PPP1R12B: variants seen among roughly 807,000 people sequenced by gnomAD.
PPP1R12B encodes the protein protein phosphatase 1 regulatory subunit 12B.
Under a neutral mutation model 126.1 loss-of-function variants are expected in PPP1R12B, and 76 were observed. The observed-to-expected ratio is 0.60, with a 90% CI of 0.50 to 0.73. The LOEUF (loss-of-function observed/expected upper bound fraction) is 0.73, where lower values mean the gene tolerates loss of function less well. PPP1R12B is among the 30% of genes least tolerant of loss of function. The pLI is 0.00. For missense variants in PPP1R12B, 1,052 were observed against 1,205.1 expected, an observed-to-expected ratio of 0.87 and a Z score of 1.88; for synonymous variants, 356 against 434.7, an observed-to-expected ratio of 0.82 and a Z score of 2.25.
At chr1:202,543,412 A>G (rs1327555906) in intron 18 of PPP1R12B, among the ~76,000 whole-genome samples, 2 of 152,106 alleles carry the variant, frequency 1.3e-5, no homozygotes, top group African/African-American at 2.4e-5. Flanking sequence ...TAATTCTCTG[A>G]ACACAAAATT....
intron 1 of PPP1R12B, among the ~76,000 whole-genome samples, chr1:202,385,794 G>A (rs1663021787): frequency 1.3e-5 from 2 of 152,068 alleles, no homozygotes; most frequent in Non-Finnish European, 2.9e-5. Flanking sequence ...GGGTTTTTTT[G>A]TGTTTTTGTG....
At chr1:202,374,533 T>C (rs1365216942) in intron 1 of PPP1R12B, among the ~76,000 whole-genome samples, 1 of 136,292 alleles carries the variant, frequency 7.3e-6, no homozygotes, top group Non-Finnish European at 1.5e-5. Context: ...AGTCTCACTC[T>C]GTCACCCAGG....
chr1:202,480,993 G>A (rs1204775803), intron 13 of PPP1R12B, among the ~76,000 whole-genome samples: 1 of 152,164 alleles, frequency 6.6e-6, no homozygotes, highest in Non-Finnish European at 1.5e-5. Context: ...GGTGTGGGGG[G>A]CAGTGATGGT....
At chr1:202,561,321 T>A (rs1172771625) in intron 19 of PPP1R12B, among the ~76,000 whole-genome samples, 2 of 151,986 alleles carry the variant, frequency 1.3e-5, no homozygotes, top group Non-Finnish European at 2.9e-5. Flanking sequence ...TTGAAAAATT[T>A]AAGTGTCTAT....
chr1:202,414,806 G>C (rs1571902383), intron 1 of PPP1R12B, among the ~76,000 whole-genome samples: 1 of 151,902 alleles, frequency 6.6e-6, no homozygotes, highest in Non-Finnish European at 1.5e-5. Context: ...TTTTGTTTTC[G>C]AGACATGGTC....
At position 202,551,216 on chromosome 1, in the gene PPP1R12B, T is replaced by G. The variant is rs915518003; in HGVS notation, c.2491-7661T>G. On this transcript the variant is annotated intron_variant, in intron 18 of 23. Transcript: ENST00000608999. ...AGAAATATTTATAATATGAACTGAA[T>G]GTAAATACTGTATTTGACTATGTTT... Among the ~76,000 whole-genome samples, 4 of 152,372 alleles carry G rather than the reference T, an allele frequency of 2.6e-5. No individual in the cohort carries two copies. The East Asian group carries it at 7.7e-4, about 29-fold the overall frequency.
intron 1 of PPP1R12B, among the ~76,000 whole-genome samples, chr1:202,414,495 G>A (rs938294987): frequency 2.6e-5 from 4 of 152,166 alleles, no homozygotes; most frequent in Non-Finnish European, 5.9e-5. Flanking sequence ...CAACAAATCA[G>A]ATTTGTTGAT....
intron 6 of PPP1R12B, among the ~76,000 whole-genome samples, chr1:202,429,652 TTGAG>T (rs1262173635): frequency 6.6e-6 from 1 of 152,164 alleles, no homozygotes; most frequent in Non-Finnish European, 1.5e-5. Flanking sequence ...GATGAATAAT[TTGAG>T]TGGGGAGAAT....
chr1:202,465,180 T>C (rs1252909227), intron 13 of PPP1R12B, among the ~76,000 whole-genome samples: 1 of 152,214 alleles, frequency 6.6e-6, no homozygotes, highest in African/African-American at 2.4e-5. Flanking sequence ...TTAAGGAATC[T>C]GTCCACAGTC....
intron 1 of PPP1R12B, among the ~76,000 whole-genome samples, chr1:202,391,667 TAAATG>T: frequency 2.7e-5 from 1 of 36,968 alleles, no homozygotes; most frequent in East Asian, 1.0e-3. Context: ...GTACTGAAGA[TAAATG>T]AATTATCTTC....
chr1:202,452,606 G>A (rs544260905), intron 13 of PPP1R12B, among the ~76,000 whole-genome samples: 66 of 152,168 alleles, frequency 4.3e-4, no homozygotes, highest in African/African-American at 1.5e-3. Context: ...GGGAGAGGGA[G>A]AAGGGGGTTT....
At chr1:202,428,704 G>T in intron 5 of PPP1R12B, 151 bp from the exon 6 acceptor site, 1 of 635,402 alleles carries the variant, frequency 1.6e-6, no homozygotes, top group Non-Finnish European at 2.7e-6. Flanking sequence ...ATAGATGAAG[G>T]TGTTATCATA....
chr1:202,365,931 A>C (rs1659135132), intron 1 of PPP1R12B, among the ~76,000 whole-genome samples: 1 of 152,064 alleles, frequency 6.6e-6, no homozygotes. Flanking sequence ...TTCGGGCTGC[A>C]ATGAACTATG....
chr1:202,542,393 A>C (rs1322506425), intron 18 of PPP1R12B, among the ~76,000 whole-genome samples: 3 of 152,254 alleles, frequency 2.0e-5, no homozygotes, highest in Non-Finnish European at 2.9e-5. Flanking sequence ...CTTGCCTAGC[A>C]TTGCTCAACT....
intron 18 of PPP1R12B, among the ~76,000 whole-genome samples, chr1:202,498,122 C>T (rs1679792062): frequency 6.6e-6 from 1 of 152,148 alleles, no homozygotes; most frequent in South Asian, 2.1e-4. Context: ...ACTGGAAAAT[C>T]CTAGCCTAGA....
chr1:202,467,327 A>G (rs1675156970), intron 13 of PPP1R12B, among the ~76,000 whole-genome samples: 1 of 151,284 alleles, frequency 6.6e-6, no homozygotes, highest in Non-Finnish European at 1.5e-5. Flanking sequence ...GCACCCATTA[A>G]TTCGTCATTT....
At chr1:202,374,164 C>CT (rs1204400620) in intron 1 of PPP1R12B, among the ~76,000 whole-genome samples, 1 of 152,094 alleles carries the variant, frequency 6.6e-6, no homozygotes, top group African/African-American at 2.4e-5. Flanking sequence ...ATTATCTTTC[C>CT]TTGAAGGCTT....
intron 1 of PPP1R12B, among the ~76,000 whole-genome samples, chr1:202,398,843 A>G (rs960615324): frequency 2.0e-5 from 3 of 152,128 alleles, no homozygotes; most frequent in Non-Finnish European, 4.4e-5. Flanking sequence ...ATGATTGACT[A>G]TTTCCTTAAG....
Position 202,462,671 on chromosome 1 carries a change from C to A in PPP1R12B, c.1850+13500C>A, listed in dbSNP as rs1377425629. On this transcript the variant is annotated intron_variant, in intron 13 of 23. Coordinates refer to ENST00000608999, the MANE Select transcript of PPP1R12B (RefSeq NM_002481.4). ...GAATATTGGTGACATGTAGGAGGGA[C>A]CAAAATTTTCAGCCCTCATTCAACC... 6.9e-6 allele frequency: 5 copies of A among 721,920 alleles called. No individual in the cohort carries two copies. The Admixed American group carries it at 3.1e-4, about 45-fold the overall frequency. 44.7% of individuals were successfully genotyped at this position (721,920 alleles called of 1,614,324 possible).
Sources: gnomAD v4.1 joint callset for allele counts (sites outside exome capture counted in the v4.1 genomes callset) on GRCh38, gnomAD v4.1.1 for gene constraint, MANE v1.5 for transcripts, NCBI Gene and HGNC (gene_info 2026-07-23, HGNC 2026-07-21) for gene names.